Variants in LPA observed in about 807,000 individuals in gnomAD.
LPA encodes the protein lipoprotein(a), also known as apolipoprotein(a).
LPA carries 199 observed loss-of-function variants against 197.9 expected under a neutral mutation model. The observed-to-expected ratio is 1.01, with a 90% CI of 0.90 to 1.13. LPA has a LOEUF of 1.13. LPA is among the 50% of genes most tolerant of loss of function. The pLI is 0.00. For missense variants in LPA, 1,853 were observed against 1,785.8 expected, an observed-to-expected ratio of 1.04 and a Z score of -0.68; for synonymous variants, 715 against 639.5, an observed-to-expected ratio of 1.12 and a Z score of -1.78.
At chr6:160,657,335 T>G (rs1780149419) in intron 1 of LPA, among the ~76,000 whole-genome samples, 1 of 151,704 alleles carries the variant, frequency 6.6e-6, no homozygotes, top group Non-Finnish European at 1.5e-5. Context: ...CATTTCCAGC[T>G]CACTAACATT....
At chr6:160,634,590 C>T (rs1219804959) in intron 7 of LPA, among the ~76,000 whole-genome samples, 1 of 146,352 alleles carries the variant, frequency 6.8e-6, no homozygotes, top group African/African-American at 2.7e-5. Context: ...TGAGAAATCA[C>T]TCCCTTCAAA....
intron 18 of LPA, among the ~76,000 whole-genome samples, chr6:160,602,881 G>C (rs1054897925): frequency 6.6e-6 from 1 of 151,814 alleles, no homozygotes; most frequent in South Asian, 2.1e-4. Flanking sequence ...TTGTATCACT[G>C]TTCTTCTAGC....
chr6:160,563,206 T>G (rs1360268015), intron 28 of LPA, among the ~76,000 whole-genome samples: 2 of 152,226 alleles, frequency 1.3e-5, no homozygotes, highest in Non-Finnish European at 2.9e-5. Flanking sequence ...GGGCATTTAG[T>G]GCTATAAATT....
chr6:160,605,262 G>C (rs559679190), intron 17 of LPA, 57 bp from the exon 18 acceptor site: 2 of 1,598,814 alleles, frequency 1.3e-6, no homozygotes, highest in Admixed American at 3.3e-5. Flanking sequence ...ACAAACATGT[G>C]AAGCCACTTA....
chr6:160,604,504 C>T (rs1304786753), intron 18 of LPA, among the ~76,000 whole-genome samples: 3 of 152,158 alleles, frequency 2.0e-5, no homozygotes, highest in East Asian at 3.8e-4. Flanking sequence ...CTCTCATCTG[C>T]CTTCCTGCCA....
intron 28 of LPA, among the ~76,000 whole-genome samples, chr6:160,557,983 A>G (rs572607001): frequency 1.3e-5 from 2 of 150,840 alleles, no homozygotes; most frequent in Admixed American, 6.6e-5. Flanking sequence ...GCAGTGGCGC[A>G]ATCTCGGCTC....
At chr6:160,565,421 T>G (rs1778434571) in intron 28 of LPA, among the ~76,000 whole-genome samples, 1 of 152,134 alleles carries the variant, frequency 6.6e-6, no homozygotes, top group South Asian at 2.1e-4. Flanking sequence ...GGGACTGGAG[T>G]GGACCTCCAG....
At chr6:160,596,777 G>C (rs1779141582) in intron 20 of LPA, among the ~76,000 whole-genome samples, 1 of 152,154 alleles carries the variant, frequency 6.6e-6, no homozygotes, top group Admixed American at 6.5e-5. Flanking sequence ...ATTGCAGTTT[G>C]AAATCTTGAT....
chr6:160,580,279 A>T (rs190749819), intron 26 of LPA, among the ~76,000 whole-genome samples: 94 of 152,182 alleles, frequency 6.2e-4, no homozygotes, highest in Non-Finnish European at 1.0e-3. Context: ...TTTTCTTTTG[A>T]TGAAACCATT....
At chr6:160,663,610 C>T (rs9346833) in intron 1 of LPA, among the ~76,000 whole-genome samples, 72,893 of 152,032 alleles carry the variant, frequency 0.48, 18,046 homozygotes, top group Non-Finnish European at 0.55. Flanking sequence ...TCATTATATG[C>T]GTATATCATC....
In LPA at chr6:160,585,116, T is replaced by C. The variant is rs1778883233; in HGVS notation, c.4219A>G (p.Arg1407Gly). Reference sequence around the variant, plus strand: ...ATAGACGACCAAGACTGACATGTTCTTCCTGTGATAGTGGTGGAGAGTGTG... The same window carrying C: ...ATAGACGACCAAGACTGACATGTTCCTCCTGTGATAGTGGTGGAGAGTGTG... The part of the protein sequence containing the change: ...RGTLSTTITG[R>G]TCQSWSSMTP... The change falls in exon 26 of 39, where the codon AGA (arginine) becomes GGA (glycine). Residue 1407 changes from arginine to glycine, a missense_variant. Arg to Gly is a moderately radical substitution (Grantham distance 125). Coordinates refer to ENST00000316300, the MANE Select transcript of LPA (RefSeq NM_005577.4). 5.0e-6 allele frequency: 8 copies of C among 1,613,916 alleles called. No individual in the cohort carries two copies. Among genetic ancestry groups the C allele is most frequent in the African/African-American group, 1.3e-5 (1 of 75,022 alleles).
At chr6:160,652,882 G>A (rs1780031799) in intron 1 of LPA, among the ~76,000 whole-genome samples, 1 of 152,066 alleles carries the variant, frequency 6.6e-6, no homozygotes, top group Non-Finnish European at 1.5e-5. Flanking sequence ...TATAAACATT[G>A]TGGAAAATAC....
chr6:160,634,676 G>T (rs1343947597), intron 7 of LPA, among the ~76,000 whole-genome samples: 1 of 151,786 alleles, frequency 6.6e-6, no homozygotes, highest in South Asian at 2.1e-4. Context: ...TGGAATTAAT[G>T]CAGCCCTGTT....
chr6:160,591,774 G>A (rs1296186531), intron 22 of LPA, among the ~76,000 whole-genome samples: 4 of 152,050 alleles, frequency 2.6e-5, no homozygotes, highest in South Asian at 2.1e-4. Flanking sequence ...TCTGTTTCAT[G>A]GATTTACTCC....
chr6:160,537,920 G>A lies in LPA; in HGVS notation c.5777C>T (p.Pro1926Leu). 6.2e-7 allele frequency: 1 copy of A among 1,614,248 alleles called. No individual in the cohort carries two copies. The highest frequency in any genetic ancestry group is 1.3e-5 in the African/African-American group (1 of 75,060). ...ITDKVMPACL[P>L]SPDYMVTART... is the part of the protein sequence containing the mutation. ...GGCGGTGACCATGTAGTCTGGGGAT[G>A]GCAGACAAGCTGGCATTACTTTGTC... The change falls in exon 37 of 39, where the codon CCA (proline) becomes CTA (leucine). Residue 1926 changes from proline (P) to leucine (L), a missense_variant. By Grantham distance (98) the Pro-to-Leu change is moderately conservative. Around this residue, in one of 3 missense-constraint regions of LPA, gnomAD observed 1,737 missense variants for 1,504.4 expected, o/e 1.15. Transcript: ENST00000316300.
chr6:160,649,087 T>A (rs116352381), intron 2 of LPA, among the ~76,000 whole-genome samples: 417 of 152,324 alleles, frequency 2.7e-3, no homozygotes, highest in African/African-American at 9.3e-3. Flanking sequence ...ATCATTCTGA[T>A]GCTTGGAGAC....
Position 160,606,516 on chromosome 6 carries a change from T to A in LPA, c.2746A>T (p.Ile916Phe), listed in dbSNP as rs755587107. 2.5e-6 allele frequency: 4 copies of A among 1,613,414 alleles called. No individual in the cohort carries two copies. The African/African-American group carries it at 5.3e-5, about 22-fold the overall frequency. ...AEGTAVAPPT[I>F]TPIPSLEAPS... Reference sequence around the variant, plus strand: ...GCCTCTAGGCTTGGAATCGGGGTAATAGTTGGAGGCGCGACGGCAGTCCCT... The same window carrying A: ...GCCTCTAGGCTTGGAATCGGGGTAAAAGTTGGAGGCGCGACGGCAGTCCCT... The change falls in exon 17 of 39, where the codon ATT becomes TTT. Residue 916 changes from isoleucine (I) to phenylalanine (F), a missense_variant. By Grantham distance (21) the Ile-to-Phe change is conservative. This residue lies in a region of LPA where 1,737 missense variants were observed against 1,504.4 expected (regional missense o/e 1.15). Transcript: ENST00000316300.
At position 160,540,075 on chromosome 6, in the gene LPA, T is replaced by C; in HGVS notation, c.5703A>G (p.Thr1901=). 1 of 1,614,122 alleles carries C rather than the reference T, an allele frequency of 6.2e-7. No individual in the cohort carries two copies. The highest frequency in any genetic ancestry group is 8.5e-7 in the Non-Finnish European group (1 of 1,180,038). The change falls in exon 36 of 39, where the codon ACA becomes ACG. Residue 1901 remains threonine, a synonymous_variant. Coordinates refer to ENST00000316300, the MANE Select transcript of LPA (RefSeq NM_005577.4). ...GCTTTAGCAAGGCAATATCTGCTTG[T>C]GTGGGCTCCAAGAACAGCCTAGACA... ...IEVSRLFLEP[T]QADIALLKLS... is the part of the protein sequence containing the mutation.
intron 1 of LPA, among the ~76,000 whole-genome samples, chr6:160,652,461 C>A (rs1397372962): frequency 2.0e-5 from 3 of 152,070 alleles, no homozygotes; most frequent in African/African-American, 2.4e-5. Flanking sequence ...CTTTTAAAAA[C>A]TGAAGGCAAA....
Sources: gnomAD v4.1 joint callset for allele counts (sites outside exome capture counted in the v4.1 genomes callset) on GRCh38, gnomAD v4.1.1 for gene constraint, gnomAD v4.1.1 regional missense constraint, MANE v1.5 for transcripts, NCBI Gene and HGNC (gene_info 2026-07-23, HGNC 2026-07-21) for gene names.